The following KLHL3 variants were observed in gnomAD, a reference collection of about 807,000 sequenced individuals.
The protein encoded by KLHL3 is kelch-like protein 3.
Under a neutral mutation model 70.5 loss-of-function variants are expected in KLHL3, and 19 were observed. The observed-to-expected ratio is 0.27, with a 90% CI of 0.19 to 0.40. KLHL3 has a LOEUF of 0.40. KLHL3 is among the 10% of genes least tolerant of loss of function. The pLI, the probability that KLHL3 is intolerant of heterozygous loss-of-function variation, is 1.00. For missense variants in KLHL3, 512 were observed against 771.1 expected, an observed-to-expected ratio of 0.66 and a Z score of 3.98; for synonymous variants, 258 against 290.3, an observed-to-expected ratio of 0.89 and a Z score of 1.13.
At chr5:137,734,110 G>A (rs1041492478) in intron 1 of KLHL3, among the ~76,000 whole-genome samples, 1 of 152,188 alleles carries the variant, frequency 6.6e-6, no homozygotes, top group Non-Finnish European at 1.5e-5. Flanking sequence ...GCCCAAAACT[G>A]TTTGATCCGC....
intron 5 of KLHL3, among the ~76,000 whole-genome samples, chr5:137,678,116 A>G (rs1017960802): frequency 2.6e-5 from 4 of 152,204 alleles, no homozygotes; most frequent in African/African-American, 7.2e-5. Flanking sequence ...TAGGAAGTCA[A>G]CATTAGAAGG....
At chr5:137,726,073 C>T (rs1753080512) in intron 1 of KLHL3, among the ~76,000 whole-genome samples, 1 of 152,184 alleles carries the variant, frequency 6.6e-6, no homozygotes, top group African/African-American at 2.4e-5. Flanking sequence ...GTATTTCCTG[C>T]ACACCATCGC....
chr5:137,692,187 G>A, intron 5 of KLHL3, 98 bp downstream of exon 5: 11 of 1,077,906 alleles, frequency 1.0e-5, no homozygotes, highest in Non-Finnish European at 1.1e-5. Flanking sequence ...CTGCTTCACA[G>A]CAGAGACCAC....
chr5:137,668,785 G>A (rs557022844), intron 6 of KLHL3, among the ~76,000 whole-genome samples: 15 of 152,322 alleles, frequency 9.8e-5, no homozygotes, highest in Admixed American at 8.5e-4. Context: ...CACGTTTAGT[G>A]ACATTACACT....
intron 13 of KLHL3, 123 bp from the exon 14 acceptor site, chr5:137,626,019 G>A: frequency 8.4e-7 from 1 of 1,189,594 alleles, no homozygotes; most frequent in Non-Finnish European, 1.2e-6. Flanking sequence ...CAATACAACA[G>A]AGATTTGGCT....
intron 5 of KLHL3, among the ~76,000 whole-genome samples, chr5:137,690,927 A>G (rs1055954398): frequency 6.6e-5 from 10 of 152,246 alleles, no homozygotes. Flanking sequence ...GAAGGTGGCC[A>G]TGACTGAATT....
chr5:137,654,082 A>T (rs1751279023), intron 8 of KLHL3, among the ~76,000 whole-genome samples: 2 of 152,216 alleles, frequency 1.3e-5, no homozygotes, highest in South Asian at 4.1e-4. Context: ...TAGTTGTCAG[A>T]GGCTGGGGGT....
rs1282303623 is a variant in KLHL3, at chr5:137,618,690, C to T, written c.*3408G>A. On this transcript the variant is annotated 3_prime_UTR_variant, in exon 15 of 15. Coordinates refer to ENST00000309755, the MANE Select transcript of KLHL3 (RefSeq NM_017415.3). ...GAGGCTTCTCCATGCCACAGGGTAC[C>T]AGGCTCAGTGCCCGTCAGTGGGAGC... The T allele has an allele frequency of 6.6e-6, 1 of 151,500 alleles. No individual in the cohort carries two copies. The highest frequency in any genetic ancestry group is 2.4e-5 in the African/African-American group (1 of 41,190). 9.4% of individuals were successfully genotyped at this position (151,500 alleles called of 1,614,324 possible).
intron 1 of KLHL3, among the ~76,000 whole-genome samples, chr5:137,728,578 A>C (rs1330150868): frequency 6.6e-6 from 1 of 152,158 alleles, no homozygotes; most frequent in East Asian, 1.9e-4. Context: ...ACTAGAGAAG[A>C]GGGAAGAAAG....
At chr5:137,723,123 TACTA>T (rs1753028997) in intron 1 of KLHL3, among the ~76,000 whole-genome samples, 1 of 152,250 alleles carries the variant, frequency 6.6e-6, no homozygotes. Context: ...TTTCTTGACT[TACTA>T]ACTTATTCCA....
intron 5 of KLHL3, among the ~76,000 whole-genome samples, chr5:137,691,059 G>A (rs1752308843): frequency 6.6e-6 from 1 of 152,128 alleles, no homozygotes; most frequent in South Asian, 2.1e-4. Context: ...GAATATAAAT[G>A]TTCATTTCTA....
chr5:137,626,965 C>A (rs978915111), intron 13 of KLHL3, among the ~76,000 whole-genome samples: 2 of 150,686 alleles, frequency 1.3e-5, no homozygotes, highest in South Asian at 2.1e-4. Context: ...TATGCCACTA[C>A]AATCTAGCCT....
chr5:137,647,703 A>G, intron 8 of KLHL3: 1 of 417,520 alleles, frequency 2.4e-6, no homozygotes, highest in African/African-American at 2.1e-5. Context: ...AGACTTGTCC[A>G]AGCAGGTTCC....
chr5:137,669,980 T>A (rs1469626924), intron 6 of KLHL3, among the ~76,000 whole-genome samples: 1 of 152,130 alleles, frequency 6.6e-6, no homozygotes, highest in Non-Finnish European at 1.5e-5. Flanking sequence ...GTGGACAGAT[T>A]TGCCCCAGCT....
rs528834714 is a variant in KLHL3 at position 137,729,358 on chromosome 5, G to A, written c.14+6275C>T. ...GAATCAGACAGAGAAGAAAGCCCTCGGTCCAACCCATCACACTCTGTCTAG... is the reference window on the plus strand; with the variant it reads ...GAATCAGACAGAGAAGAAAGCCCTCAGTCCAACCCATCACACTCTGTCTAG... On this transcript the variant is annotated intron_variant, in intron 1 of 14. Coordinates refer to ENST00000309755, the MANE Select transcript of KLHL3 (RefSeq NM_017415.3). Among the ~76,000 whole-genome samples the A allele has an allele frequency of 4.6e-5, 7 of 152,230 alleles. No individual in the cohort carries two copies. The East Asian group carries it at 1.3e-3, about 29-fold the overall frequency.
At position 137,698,279 on chromosome 5, in the gene KLHL3, G is replaced by A. The variant is rs963730967; in HGVS notation, c.363+8C>T. 4.3e-6 allele frequency: 7 copies of A among 1,614,156 alleles called. No individual in the cohort carries two copies. Among genetic ancestry groups the A allele is most frequent in the Non-Finnish European group, 5.1e-6 (6 of 1,180,014 alleles). On this transcript the variant is annotated splice_region_variant and intron_variant, in intron 4 of 14. Coordinates refer to ENST00000309755, the MANE Select transcript of KLHL3 (RefSeq NM_017415.3). Reference sequence around the variant, plus strand: ...AATACACTGAGCTATTAGTGAGCCTGAGTTTACCTGGACATTCTCTTCAGT... The same window carrying A: ...AATACACTGAGCTATTAGTGAGCCTAAGTTTACCTGGACATTCTCTTCAGT...
At chr5:137,693,396 T>C (rs1323712627) in intron 4 of KLHL3, among the ~76,000 whole-genome samples, 1 of 152,176 alleles carries the variant, frequency 6.6e-6, no homozygotes, top group African/African-American at 2.4e-5. Flanking sequence ...CATGTGTTTT[T>C]CCTAAGGGTC....
chr5:137,662,093 A>C, intron 6 of KLHL3, 62 bp from the exon 7 acceptor site: 1 of 568,588 alleles, frequency 1.8e-6, no homozygotes, highest in Non-Finnish European at 2.8e-6. Flanking sequence ...AACAACCCTC[A>C]ATCTGTAAAA....
chr5:137,670,610 G>A (rs1013601882), intron 6 of KLHL3, among the ~76,000 whole-genome samples: 3 of 151,948 alleles, frequency 2.0e-5, no homozygotes, highest in Non-Finnish European at 4.4e-5. Flanking sequence ...AAGAAACCTG[G>A]TTACTTTGTT....
Sources: allele counts gnomAD v4.1 joint callset (sites outside exome capture counted in the v4.1 genomes callset), GRCh38; gene constraint gnomAD v4.1.1; transcripts MANE v1.5; gene names NCBI Gene and HGNC (gene_info 2026-07-23, HGNC 2026-07-21).